NELL1: variants seen among roughly 807,000 people sequenced by gnomAD.
NELL1 encodes protein kinase C-binding protein NELL1.
NELL1 carries 76 observed loss-of-function variants against 107.4 expected under a neutral mutation model. The ratio of observed to expected loss-of-function variants is 0.71; its 90% confidence interval spans 0.59 to 0.86. The LOEUF is 0.86. NELL1 is among the 40% of genes least tolerant of loss of function. The probability of loss-of-function intolerance (pLI) is 0.00; values close to 1 mark genes in which losing one functional copy is unlikely to be tolerated. For missense variants in NELL1, 1,024 were observed against 1,005.5 expected, an observed-to-expected ratio of 1.02 and a Z score of -0.25; for synonymous variants, 353 against 341.2, an observed-to-expected ratio of 1.03 and a Z score of -0.38.
At chr11:21,357,089 T>C (rs921547695) in intron 14 of NELL1, among the ~76,000 whole-genome samples, 3 of 152,212 alleles carry the variant, frequency 2.0e-5, no homozygotes, top group Admixed American at 6.5e-5. Flanking sequence ...ATTTTTGCAA[T>C]TGTGAATTGT....
At chr11:20,794,535 G>T (rs1010407871) in intron 3 of NELL1, among the ~76,000 whole-genome samples, 1 of 152,178 alleles carries the variant, frequency 6.6e-6, no homozygotes, top group Non-Finnish European at 1.5e-5. Context: ...GGCTGTGCAG[G>T]ATAGTGAAGG....
intron 2 of NELL1, among the ~76,000 whole-genome samples, chr11:20,690,967 G>T: frequency 6.6e-6 from 1 of 151,986 alleles, no homozygotes; most frequent in Non-Finnish European, 1.5e-5. Context: ...ATTGAGCAGT[G>T]GTTTGTAGTT....
intron 12 of NELL1, among the ~76,000 whole-genome samples, chr11:20,970,933 T>A (rs1851487773): frequency 6.6e-6 from 1 of 152,198 alleles, no homozygotes; most frequent in African/African-American, 2.4e-5. Context: ...GAAATAGTTG[T>A]TGTCTCGATG....
chr11:21,494,597 C>T (rs1384437570), intron 15 of NELL1, among the ~76,000 whole-genome samples: 2 of 151,670 alleles, frequency 1.3e-5, no homozygotes, highest in Non-Finnish European at 1.5e-5. Context: ...TATATATGTG[C>T]GTGACTCAGC....
At chr11:21,259,651 T>C (rs1670628) in intron 14 of NELL1, among the ~76,000 whole-genome samples, 139,910 of 151,846 alleles carry the variant, frequency 0.92, 64,632 homozygotes, top group Non-Finnish European at 0.96. Context: ...GTGACATGCT[T>C]ACACTGGTGT....
intron 15 of NELL1, among the ~76,000 whole-genome samples, chr11:21,532,584 G>A (rs946939911): frequency 6.6e-5 from 10 of 152,110 alleles, no homozygotes; most frequent in African/African-American, 2.4e-4. Flanking sequence ...TTCCCAAAAC[G>A]CTAACCATGG....
At position 20,678,002 on chromosome 11, in the gene NELL1, C is replaced by T. The variant is rs867011768; in HGVS notation, c.126C>T (p.Thr42=). ...CCGAGCTTGACCTTGTGAACACCAC[C>T]CTTGGAGTTGCTCAGGTGTCTGGAA... ...IVTELDLVNT[T]LGVAQVSGMH... is the part of the protein sequence containing the mutation. The change falls in exon 2 of 20, where the codon ACC becomes ACT. Residue 42 remains threonine (T), a synonymous_variant. Coordinates refer to ENST00000357134, the MANE Select transcript of NELL1 (RefSeq NM_006157.5). 1.9e-6 allele frequency: 3 copies of T among 1,613,934 alleles called. No individual in the cohort carries two copies. Among genetic ancestry groups the T allele is most frequent in the African/African-American group, 1.3e-5 (1 of 74,900 alleles).
Position 21,457,560 on chromosome 11 carries a change from G to T in NELL1, c.1646-76814G>T, listed in dbSNP as rs114942703. ...AAAATTGTCAATACTAGAGTAGAAG[G>T]CTTGGTGGGTATGGAGTAAATTTAA... On this transcript the variant is annotated intron_variant, in intron 15 of 19. Coordinates refer to ENST00000357134, the MANE Select transcript of NELL1 (RefSeq NM_006157.5). Among the ~76,000 whole-genome samples, 8 of 152,244 alleles carry T rather than the reference G, an allele frequency of 5.3e-5. No homozygotes were observed. In the South Asian group the frequency reaches 1.0e-3, roughly 20 times the overall value.
At chr11:21,217,420 G>A (rs538157754) in intron 13 of NELL1, among the ~76,000 whole-genome samples, 2 of 152,146 alleles carry the variant, frequency 1.3e-5, no homozygotes, top group East Asian at 3.9e-4. Flanking sequence ...GGGTACATAG[G>A]AGTCTTCTTT....
At chr11:20,837,839 G>T (rs1848561078) in intron 3 of NELL1, among the ~76,000 whole-genome samples, 1 of 152,058 alleles carries the variant, frequency 6.6e-6, no homozygotes, top group Non-Finnish European at 1.5e-5. Context: ...ATAAATAAAT[G>T]AGAATAGATA....
At chr11:20,983,199 G>T (rs1324765837) in intron 12 of NELL1, among the ~76,000 whole-genome samples, 7 of 152,066 alleles carry the variant, frequency 4.6e-5, no homozygotes, top group African/African-American at 1.4e-4. Flanking sequence ...CACTCCATTT[G>T]CACCTTCTTA....
At chr11:21,342,565 G>T (rs1261707494) in intron 14 of NELL1, among the ~76,000 whole-genome samples, 3 of 150,960 alleles carry the variant, frequency 2.0e-5, no homozygotes, top group Non-Finnish European at 4.4e-5. Context: ...AATCACTTGA[G>T]CCCAGGTAGT....
At chr11:20,755,559 T>TTTTTTTTTTTTTTA (rs1337491294) in intron 2 of NELL1, among the ~76,000 whole-genome samples, 3 of 17,668 alleles carry the variant, frequency 1.7e-4, no homozygotes, top group Non-Finnish European at 2.2e-4. Context: ...TGTTTTTGTT[T>TTTTTTTTTTTTTTA]TTGTTTTTTT....
intron 2 of NELL1, among the ~76,000 whole-genome samples, chr11:20,711,048 T>C (rs1303377506): frequency 6.6e-6 from 1 of 152,142 alleles, no homozygotes; most frequent in Non-Finnish European, 1.5e-5. Context: ...ATCTTTGTTA[T>C]TTATTTTCTT....
At chr11:20,694,168 T>A (rs967037557) in intron 2 of NELL1, among the ~76,000 whole-genome samples, 23 of 152,138 alleles carry the variant, frequency 1.5e-4, no homozygotes, top group African/African-American at 5.1e-4. Flanking sequence ...GTATTGGTTA[T>A]TCTAGTTATA....
intron 15 of NELL1, among the ~76,000 whole-genome samples, chr11:21,502,086 G>C (rs566714670): frequency 6.6e-6 from 1 of 152,106 alleles, no homozygotes; most frequent in Non-Finnish European, 1.5e-5. Context: ...GAAGATTTAT[G>C]GTTGACTCAT....
intron 2 of NELL1, among the ~76,000 whole-genome samples, chr11:20,721,677 G>A (rs1321980164): frequency 6.6e-6 from 1 of 152,136 alleles, no homozygotes; most frequent in Non-Finnish European, 1.5e-5. Flanking sequence ...AGCACTGTTG[G>A]TCACAGTCTA....
intron 14 of NELL1, among the ~76,000 whole-genome samples, chr11:21,249,426 TA>T (rs1858581316): frequency 2.0e-5 from 3 of 152,210 alleles, no homozygotes; most frequent in East Asian, 3.9e-4. Context: ...AACAGTTACT[TA>T]TTTTTTTTTT....
intron 12 of NELL1, among the ~76,000 whole-genome samples, chr11:21,101,780 T>G (rs1854822938): frequency 1.3e-5 from 2 of 152,348 alleles, no homozygotes; most frequent in South Asian, 4.1e-4. Context: ...TTTCTCCCAT[T>G]CTGTAGGTTG....
Sources: allele counts gnomAD v4.1 joint callset (sites outside exome capture counted in the v4.1 genomes callset), GRCh38; gene constraint gnomAD v4.1.1; transcripts MANE v1.5; gene names NCBI Gene and HGNC (gene_info 2026-07-23, HGNC 2026-07-21).